Variants in DPY19L2 observed in about 807,000 individuals in gnomAD.
The protein encoded by DPY19L2 is dpy-19 like 2.
A neutral mutation model predicts 97.9 loss-of-function variants in DPY19L2; 34 were observed. That is an observed-to-expected ratio of 0.35 (90% CI 0.26 to 0.46). DPY19L2 has a LOEUF of 0.46. Ranked by LOEUF, DPY19L2 falls within the 20% of genes least tolerant of loss-of-function variation. The pLI is 1.00. For missense variants in DPY19L2, 623 were observed against 911.4 expected (o/e 0.68, Z 4.07); for synonymous variants, 230 against 307.9 (o/e 0.75, Z 2.65).
chr12:63,665,748 G>A (rs1896260302), intron 2 of DPY19L2, 87 bp downstream of exon 2: 4 of 1,107,066 alleles, frequency 3.6e-6, no homozygotes, highest in Non-Finnish European at 3.9e-6. Flanking sequence ...AATATAGCCA[G>A]AAGTTATTGT....
intron 6 of DPY19L2, among the ~76,000 whole-genome samples, chr12:63,636,740 C>T (rs138919335): frequency 0.018 from 2,691 of 152,190 alleles, 73 homozygotes; most frequent in African/African-American, 0.061. Flanking sequence ...GCTAACTATC[C>T]TAAATATATA....
At chr12:63,610,954 T>C (rs1393627256) in intron 11 of DPY19L2, among the ~76,000 whole-genome samples, 2 of 132,630 alleles carry the variant, frequency 1.5e-5, no homozygotes, top group Non-Finnish European at 3.2e-5. Flanking sequence ...TAAATACAAA[T>C]GTCCAACAGG....
At chr12:63,573,385 T>C (rs1230750166) in intron 19 of DPY19L2, among the ~76,000 whole-genome samples, 1 of 151,934 alleles carries the variant, frequency 6.6e-6, no homozygotes, top group Non-Finnish European at 1.5e-5. Flanking sequence ...GACAGGTTGC[T>C]TGAAAATACA....
intron 6 of DPY19L2, among the ~76,000 whole-genome samples, chr12:63,630,286 G>C (rs1890361999): frequency 6.6e-6 from 1 of 152,086 alleles, no homozygotes; most frequent in African/African-American, 2.4e-5. Context: ...TGGATCAAGA[G>C]TCAAGACCCA....
At chr12:63,629,292 C>T (rs894927590) in intron 6 of DPY19L2, among the ~76,000 whole-genome samples, 3 of 151,920 alleles carry the variant, frequency 2.0e-5, no homozygotes. Context: ...AGTTAGAACC[C>T]ATGGCAAAGA....
At chr12:63,634,077 G>A (rs540966736) in intron 6 of DPY19L2, among the ~76,000 whole-genome samples, 102 of 150,878 alleles carry the variant, frequency 6.8e-4, no homozygotes, top group East Asian at 5.2e-3. Context: ...GTGCGGGGAA[G>A]GGGGAGGGAT....
At chr12:63,636,489 G>A (rs1462072132) in intron 6 of DPY19L2, among the ~76,000 whole-genome samples, 1 of 152,046 alleles carries the variant, frequency 6.6e-6, no homozygotes, top group Non-Finnish European at 1.5e-5. Flanking sequence ...TGGCAAATTG[G>A]ATCAAGATCA....
At chr12:63,585,084 T>C (rs1881553326) in intron 16 of DPY19L2, among the ~76,000 whole-genome samples, 1 of 152,042 alleles carries the variant, frequency 6.6e-6, no homozygotes, top group Non-Finnish European at 1.5e-5. Flanking sequence ...ACTGGGGGTC[T>C]TGGGATGCGT....
At chr12:63,640,981 C>T (rs1432203816) in intron 6 of DPY19L2, among the ~76,000 whole-genome samples, 1 of 152,150 alleles carries the variant, frequency 6.6e-6, no homozygotes, top group Non-Finnish European at 1.5e-5. Context: ...CAAGCTCTGC[C>T]TCCCAGGTTC....
At position 63,608,651 on chromosome 12, in the gene DPY19L2, T is replaced by C. The variant is rs573188846; in HGVS notation, c.1243A>G (p.Ile415Val). Residue 415 changes from isoleucine to valine, a missense_variant, in exon 12 of 22, where the codon ATT becomes GTT. Transcript: ENST00000324472. ...TWAIILKRNE[I>V]QKLGVSKLNF... ...AGTTTAGATACTCCCAGTTTTTGAA[T>C]TTCATTTCTCTTTAGAATTATTGCC... 1.3e-5 allele frequency: 20 copies of C among 1,491,654 alleles called. No individual in the cohort carries two copies. The highest frequency in any genetic ancestry group is 3.7e-5 in the South Asian group (3 of 81,874). The allele number at this position is 1,491,654 out of a possible 1,614,324, so 92.4% of individuals were successfully genotyped here. A position where few individuals can be genotyped will look rare whatever the true frequency, so the allele number is the denominator to read the frequency against.
chr12:63,629,178 C>T (rs1472226636), intron 6 of DPY19L2, among the ~76,000 whole-genome samples: 4 of 152,070 alleles, frequency 2.6e-5, no homozygotes, highest in African/African-American at 7.2e-5. Flanking sequence ...TCCAAAGGAA[C>T]GCAGCTCCTC....
intron 18 of DPY19L2, among the ~76,000 whole-genome samples, chr12:63,582,037 G>A (rs1243327981): frequency 1.3e-5 from 2 of 151,250 alleles, no homozygotes; most frequent in Non-Finnish European, 2.9e-5. Flanking sequence ...CTGGCCTCAA[G>A]TGATCTGCCC....
intron 16 of DPY19L2, among the ~76,000 whole-genome samples, chr12:63,590,563 G>A (rs1245637971): frequency 6.6e-6 from 1 of 151,908 alleles, no homozygotes; most frequent in South Asian, 2.1e-4. Flanking sequence ...AAAATCCTAA[G>A]ACCATTATAA....
intron 11 of DPY19L2, among the ~76,000 whole-genome samples, chr12:63,615,388 C>G (rs1370488855): frequency 6.6e-6 from 1 of 152,120 alleles, no homozygotes; most frequent in Non-Finnish European, 1.5e-5. Context: ...GCACTGAAGG[C>G]TAGTACCATA....
At chr12:63,611,791 C>T (rs1887047137) in intron 11 of DPY19L2, among the ~76,000 whole-genome samples, 1 of 152,006 alleles carries the variant, frequency 6.6e-6, no homozygotes, top group Admixed American at 6.6e-5. Context: ...CAATTTCAAG[C>T]AGCCCCATAT....
At chr12:63,597,667 A>G (rs1884472729) in intron 14 of DPY19L2, 142 bp downstream of exon 14, 5 of 681,880 alleles carry the variant, frequency 7.3e-6, no homozygotes, top group Non-Finnish European at 1.2e-5. Context: ...AAAACAAGTG[A>G]GGAATGTAGA....
chr12:63,601,361 C>G (rs1885161749), intron 12 of DPY19L2, among the ~76,000 whole-genome samples: 1 of 151,968 alleles, frequency 6.6e-6, no homozygotes, highest in Non-Finnish European at 1.5e-5. Flanking sequence ...TATTTTTTGA[C>G]TAGCCTTGAT....
At chr12:63,616,565 G>A (rs902613270) in intron 11 of DPY19L2, among the ~76,000 whole-genome samples, 6 of 152,024 alleles carry the variant, frequency 3.9e-5, no homozygotes, top group Non-Finnish European at 7.4e-5. Flanking sequence ...AATATTCTAG[G>A]TTCTGGCTTA....
intron 1 of DPY19L2, chr12:63,666,539 T>C: frequency 2.2e-6 from 1 of 445,928 alleles, no homozygotes; most frequent in South Asian, 1.6e-5. Context: ...CCCGTTTGGT[T>C]GGGGAACTGC....
Sources: gnomAD v4.1 joint callset for allele counts (sites outside exome capture counted in the v4.1 genomes callset) on GRCh38, gnomAD v4.1.1 for gene constraint, MANE v1.5 for transcripts, NCBI Gene and HGNC (gene_info 2026-07-23, HGNC 2026-07-21) for gene names.